URB1: variants seen among roughly 807,000 people sequenced by gnomAD.
The protein encoded by URB1 is nucleolar pre-ribosomal-associated protein 1.
Under a neutral mutation model 242.3 loss-of-function variants are expected in URB1, and 197 were observed. The ratio of observed to expected loss-of-function variants is 0.81; its 90% CI spans 0.72 to 0.91. The LOEUF is 0.91. Among genes scored for constraint, URB1 ranks in the 40% least tolerant of loss-of-function variants. The probability of loss-of-function intolerance (pLI) is 0.00; values close to 1 mark genes in which losing one functional copy is unlikely to be tolerated. For synonymous variants in URB1, 1,153 were observed against 1,201.8 expected (o/e 0.96, Z 0.84); for missense variants, 2,721 against 2,860.5 (o/e 0.95, Z 1.11).
intron 19 of URB1, among the ~76,000 whole-genome samples, chr21:32,352,397 T>C (rs1042546559): frequency 6.6e-6 from 1 of 151,906 alleles, no homozygotes; most frequent in East Asian, 1.9e-4. Context: ...CACGCACAGA[T>C]AACAAGGTAA....
At position 32,333,430 on chromosome 21, in the gene URB1, C is replaced by CA; in HGVS notation, c.4858-12dup. On this transcript the variant is annotated splice_polypyrimidine_tract_variant and intron_variant, in intron 29 of 38. Transcript: ENST00000382751. ...CAGCTCCTGTGTGTCCTGAAAGAGC[C>CA]AAAATCAACAAAAACGTGTGATTCA... 1.3e-6 allele frequency: 2 copies of CA among 1,544,030 alleles called. No individual in the cohort carries two copies. Among genetic ancestry groups the CA allele is most frequent in the Middle Eastern group, 3.4e-4 (2 of 5,946 alleles).
At chr21:32,387,295 C>G (rs138284992) in intron 1 of URB1, among the ~76,000 whole-genome samples, 1 of 152,146 alleles carries the variant, frequency 6.6e-6, no homozygotes, top group South Asian at 2.1e-4. Flanking sequence ...TATAAAACTG[C>G]CTTTCAGAGA....
At chr21:32,327,408 A>G (rs889518811) in intron 30 of URB1, among the ~76,000 whole-genome samples, 1 of 152,182 alleles carries the variant, frequency 6.6e-6, no homozygotes, top group African/African-American at 2.4e-5. Flanking sequence ...GACTTTTTTC[A>G]GACACAAAAA....
At chr21:32,350,374 C>A (rs892258166) in intron 20 of URB1, among the ~76,000 whole-genome samples, 1 of 152,168 alleles carries the variant, frequency 6.6e-6, no homozygotes. Flanking sequence ...GAGGTCAAGG[C>A]TGTAGTGAGC....
intron 35 of URB1, among the ~76,000 whole-genome samples, chr21:32,320,200 G>C (rs1314750020): frequency 1.3e-5 from 2 of 152,216 alleles, no homozygotes; most frequent in Non-Finnish European, 2.9e-5. Context: ...GAGCACAGAA[G>C]GCTGCTGGGA....
chr21:32,368,929 C>T (rs2033376595), intron 8 of URB1, among the ~76,000 whole-genome samples: 1 of 152,222 alleles, frequency 6.6e-6, no homozygotes, highest in Non-Finnish European at 1.5e-5. Context: ...CAGCCACCTA[C>T]CAGTCTGCCT....
intron 1 of URB1, among the ~76,000 whole-genome samples, chr21:32,391,316 T>C (rs1272408786): frequency 3.3e-5 from 5 of 151,608 alleles, no homozygotes; most frequent in Non-Finnish European, 5.9e-5. Context: ...CATGTATACA[T>C]ATGTAACAAA....
chr21:32,314,827 T>C lies in URB1; in HGVS notation c.*91A>G. On this transcript the variant is annotated 3_prime_UTR_variant, in exon 39 of 39. Coordinates refer to ENST00000382751, the MANE Select transcript of URB1 (RefSeq NM_014825.3). ...TGAACCTGTTGTTTCCCATGCCTTC[T>C]CTGGAAACCCTTGACTCAACCAAAC... 1 of 1,499,138 alleles carries C rather than the reference T, an allele frequency of 6.7e-7. No homozygotes were observed. Among genetic ancestry groups the C allele is most frequent in the Non-Finnish European group, 9.0e-7 (1 of 1,116,758 alleles). 92.9% of individuals were successfully genotyped at this position (1,499,138 alleles called of 1,614,324 possible).
Position 32,346,968 on chromosome 21 carries a change from G to T in URB1, c.3856C>A (p.Arg1286Ser), listed in dbSNP as rs371802978. The change falls in exon 22 of 39, where the codon CGC becomes AGC. Residue 1286 changes from arginine to serine, a missense_variant. Transcript: ENST00000382751. Reference sequence around the variant, plus strand: ...GCCTTTCCCTTACCTCCTGCTGGGCGTGTGAAGTGGCTCCGTGTCCTGCAC... The same window carrying T: ...GCCTTTCCCTTACCTCCTGCTGGGCTTGTGAAGTGGCTCCGTGTCCTGCAC... ...LQCRTRSHFT[R>S]PAGVSSAVIP... is the part of the protein sequence containing the mutation. 3 of 1,514,832 alleles carry T rather than the reference G, an allele frequency of 2.0e-6. No individual in the cohort carries two copies. Among genetic ancestry groups the T allele is most frequent in the Non-Finnish European group, 8.9e-7 (1 of 1,121,834 alleles). 93.8% of individuals were successfully genotyped at this position (1,514,832 alleles called of 1,614,324 possible). A position where few individuals can be genotyped will look rare whatever the true frequency, so the allele number is the denominator to read the frequency against.
chr21:32,375,295 GTAAGA>G, intron 6 of URB1, 98 bp downstream of exon 6: 1 of 693,092 alleles, frequency 1.4e-6, no homozygotes. Context: ...AACAATCTAT[GTAAGA>G]TAAGATGTTG....
Position 32,354,029 on chromosome 21 carries a change from C to T in URB1, c.2320G>A (p.Glu774Lys), listed in dbSNP as rs1299531564. 1 of 1,551,760 alleles carries T rather than the reference C, an allele frequency of 6.4e-7. No individual in the cohort carries two copies. The highest frequency in any genetic ancestry group is 8.7e-7 in the Non-Finnish European group (1 of 1,147,016). ...LDEEIGFTLSEDMILLTFPFS... is the reference protein window; with the variant it reads ...LDEEIGFTLSKDMILLTFPFS... ...GGGAACGTGAGCAGGATCATGTCTT[C>T]ACTCAACGTGAACCCTATTTCCTCA... The change falls in exon 18 of 39, where the codon GAA becomes AAA. Residue 774 changes from glutamate to lysine, a missense_variant. Physicochemically the swap from Glu to Lys is moderately conservative, Grantham distance 56. Transcript: ENST00000382751.
At chr21:32,382,460 C>A (rs1428597722) in intron 4 of URB1, among the ~76,000 whole-genome samples, 2 of 152,150 alleles carry the variant, frequency 1.3e-5, no homozygotes, top group South Asian at 2.1e-4. Context: ...GCCAATCTCA[C>A]AGAGCCATAA....
intron 1 of URB1, 147 bp from the exon 2 acceptor site, chr21:32,385,831 A>AAGATTT: frequency 8.5e-7 from 1 of 1,180,078 alleles, no homozygotes. Context: ...TATCAACTTA[A>AAGATTT]CTGTTTCTCT....
intron 34 of URB1, 48 bp from the exon 35 acceptor site, chr21:32,320,688 T>A (rs1439764482): frequency 7.4e-7 from 1 of 1,342,984 alleles, no homozygotes; most frequent in Non-Finnish European, 1.0e-6. Context: ...AAACCCACTT[T>A]ACTTGATTAA....
intron 31 of URB1, 32 bp downstream of exon 31, chr21:32,325,197 C>T (rs757747057): frequency 6.6e-7 from 1 of 1,525,722 alleles, no homozygotes; most frequent in Non-Finnish European, 8.9e-7. Flanking sequence ...CAGGCCCACC[C>T]CCACAGTAGG....
intron 34 of URB1, 120 bp from the exon 35 acceptor site, chr21:32,320,760 T>C: frequency 5.3e-6 from 4 of 747,874 alleles, no homozygotes; most frequent in Non-Finnish European, 8.9e-6. Flanking sequence ...AAATGAAGCC[T>C]GCTTTGCTAA....
At chr21:32,392,124 T>A (rs1026475925) in intron 1 of URB1, among the ~76,000 whole-genome samples, 4 of 152,244 alleles carry the variant, frequency 2.6e-5, no homozygotes, top group Non-Finnish European at 4.4e-5. Flanking sequence ...CTGTTTTATT[T>A]TAGAGCAATG....
chr21:32,339,106 T>A (rs892622037), intron 25 of URB1, among the ~76,000 whole-genome samples: 1 of 152,210 alleles, frequency 6.6e-6, no homozygotes, highest in Non-Finnish European at 1.5e-5. Flanking sequence ...GTGATTCTCC[T>A]GCCTCAGCCT....
intron 24 of URB1, 62 bp from the exon 25 acceptor site, chr21:32,341,586 C>T: frequency 6.8e-7 from 1 of 1,473,222 alleles, no homozygotes; most frequent in Non-Finnish European, 9.2e-7. Context: ...TACTAAAAGG[C>T]CCCAGCTGCA....
Sources: gnomAD v4.1 joint callset for allele counts (sites outside exome capture counted in the v4.1 genomes callset) on GRCh38, gnomAD v4.1.1 for gene constraint, MANE v1.5 for transcripts, NCBI Gene and HGNC (gene_info 2026-07-23, HGNC 2026-07-21) for gene names.